NPIPA9: variants seen among roughly 807,000 people sequenced by gnomAD.
NPIPA9 encodes nuclear pore complex-interacting protein family member A9.
At chr16:18,364,960 C>T (rs1279295896) in intron 4 of NPIPA9, among the ~76,000 whole-genome samples, 11 of 1,624 alleles carry the variant, frequency 6.8e-3, no homozygotes. Flanking sequence ...CACACACACA[C>T]ACACACACAA....
chr16:18,371,451 T>TTAA (rs1900545974), intron 3 of NPIPA9, among the ~76,000 whole-genome samples: 2 of 56,636 alleles, frequency 3.5e-5, no homozygotes, highest in East Asian at 3.9e-4. Flanking sequence ...GACTCTGTCT[T>TTAA]AAAAAAAAAA....
In NPIPA9 at chr16:18,375,055, C is replaced by T; in HGVS notation, c.-293G>A. On this transcript the variant is annotated 5_prime_UTR_variant, in exon 2 of 10. Transcript: ENST00000427999. ...CCTGCTGCCCGGCAGGTGTGGGGCT[C>T]GGGCTCCCAGCCACCTGCAGGACAA... 9 of 676,554 alleles carry T rather than the reference C, an allele frequency of 1.3e-5. 2 individuals carry two copies. The highest frequency in any genetic ancestry group is 5.3e-5 in the South Asian group (3 of 56,932). The allele number at this position is 676,554 out of a possible 1,614,324, so 41.9% of individuals were successfully genotyped here.
At chr16:18,375,301 ATTT>A (rs537573724) in intron 1 of NPIPA9, among the ~76,000 whole-genome samples, 2 of 135,782 alleles carry the variant, frequency 1.5e-5, no homozygotes, top group African/African-American at 2.8e-5. Flanking sequence ...TTTAAATTTC[ATTT>A]TTTTTTTTTT....
chr16:18,371,451 T>TAAAAAA (rs778066038), intron 3 of NPIPA9, among the ~76,000 whole-genome samples: 22 of 56,622 alleles, frequency 3.9e-4, no homozygotes, highest in African/African-American at 1.5e-3. Context: ...GACTCTGTCT[T>TAAAAAA]AAAAAAAAAA....
intron 3 of NPIPA9, among the ~76,000 whole-genome samples, chr16:18,371,467 A>C (rs1596823262): frequency 7.1e-6 from 1 of 141,376 alleles, no homozygotes; most frequent in African/African-American, 2.6e-5. Flanking sequence ...AAAAAAAAAA[A>C]AAAAAAAAAA....
chr16:18,364,856 G>A (rs1474148953), intron 4 of NPIPA9, among the ~76,000 whole-genome samples: 8 of 93,090 alleles, frequency 8.6e-5, no homozygotes, highest in Middle Eastern at 5.6e-3. Flanking sequence ...GCAGAGAACC[G>A]TTTGAAGCTG....
intron 3 of NPIPA9, among the ~76,000 whole-genome samples, chr16:18,371,582 C>T (rs1288447431): frequency 4.1e-4 from 42 of 102,464 alleles, no homozygotes; most frequent in African/African-American, 1.5e-3. Context: ...CTCACTGCAA[C>T]GTCCAGCTCC....
At chr16:18,375,255 A>G (rs530264351) in intron 1 of NPIPA9, among the ~76,000 whole-genome samples, 186 bp from the exon 2 acceptor site, 640 of 129,706 alleles carry the variant, frequency 4.9e-3, no homozygotes, top group East Asian at 0.029. Flanking sequence ...GCCACTGAAC[A>G]CTTGACAGCA....
chr16:18,375,146 C>T lies in NPIPA9; in HGVS notation c.-307-77G>A, dbSNP rs1248323887. ...CAGGGATGAGAAGCCACCTCCTCAGCAGACAGGACAGAGCCCGGTGCCATC... is the reference window on the plus strand; with the variant it reads ...CAGGGATGAGAAGCCACCTCCTCAGTAGACAGGACAGAGCCCGGTGCCATC... On this transcript the variant is annotated intron_variant, in intron 1 of 9. Coordinates refer to ENST00000427999, the Ensembl canonical transcript of NPIPA9. 11 of 561,420 alleles carry T rather than the reference C, an allele frequency of 2.0e-5. 2 individuals are homozygous for T. The highest frequency in any genetic ancestry group is 2.9e-5 in the Admixed American group (1 of 34,210). 34.8% of individuals were successfully genotyped at this position (561,420 alleles called of 1,614,324 possible).
At chr16:18,375,236 G>A (rs1226346954) in intron 1 of NPIPA9, among the ~76,000 whole-genome samples, 167 bp from the exon 2 acceptor site, 16 of 140,196 alleles carry the variant, frequency 1.1e-4, no homozygotes, top group Admixed American at 2.9e-4. Context: ...GCAGCCCCTC[G>A]CGACATGTGC....
chr16:18,375,419 G>C (rs1900595192), intron 1 of NPIPA9, among the ~76,000 whole-genome samples: 2 of 140,584 alleles, frequency 1.4e-5, no homozygotes, highest in Admixed American at 1.4e-4. Context: ...TCCTGGCTCA[G>C]CCTCTTTAGT....
chr16:18,364,989 C>CATGAG (rs1172235691), intron 4 of NPIPA9, among the ~76,000 whole-genome samples: 1 of 137,074 alleles, frequency 7.3e-6, no homozygotes, highest in Non-Finnish European at 1.6e-5. Context: ...ACAAGAATGA[C>CATGAG]ATGAGGCTGG....
At chr16:18,363,669 TAAA>T (rs1224641324) in intron 6 of NPIPA9, among the ~76,000 whole-genome samples, 12 of 4,052 alleles carry the variant, frequency 3.0e-3, no homozygotes, top group Non-Finnish European at 4.3e-3. Context: ...ATCTCAAAAT[TAAA>T]AAAAAAAAAA....
intron 3 of NPIPA9, among the ~76,000 whole-genome samples, chr16:18,371,451 TAAA>T (rs778066038): frequency 1.3e-3 from 75 of 56,238 alleles, no homozygotes; most frequent in South Asian, 5.0e-3. Flanking sequence ...GACTCTGTCT[TAAA>T]AAAAAAAAAA....
chr16:18,367,480 AATG>A lies in NPIPA9; in HGVS notation c.192+775_192+777del, dbSNP rs1418174596. On this transcript the variant is annotated intron_variant, in intron 4 of 9. Coordinates refer to ENST00000427999, the Ensembl canonical transcript of NPIPA9. The stretch of plus-strand genomic sequence containing the variant: ...GTTGCAAGTGGGAACATGCACTTTG[AATG>A]ATGTCATTCAAAATTACCCTGCCCA... Among the ~76,000 whole-genome samples the A allele has an allele frequency of 3.3e-3, 213 of 65,424 alleles. 44 individuals are homozygous for A. Among genetic ancestry groups the A allele is most frequent in the Admixed American group, 8.9e-3 (47 of 5,306 alleles). 42.9% of individuals were successfully genotyped at this position (65,424 alleles called of 152,430 possible).
At chr16:18,370,439 C>G (rs867626721) in intron 3 of NPIPA9, among the ~76,000 whole-genome samples, 4 of 75,928 alleles carry the variant, frequency 5.3e-5, no homozygotes, top group African/African-American at 5.0e-5. Context: ...CAGACAGCTT[C>G]TGATAACATT....
chr16:18,371,502 G>C (rs62043982), intron 3 of NPIPA9, among the ~76,000 whole-genome samples: 27,983 of 87,924 alleles, frequency 0.32, 3,204 homozygotes, highest in East Asian at 0.42. Flanking sequence ...TGACACAAAT[G>C]AAATGACATT....
At chr16:18,375,273 G>C (rs1384192273) in intron 1 of NPIPA9, among the ~76,000 whole-genome samples, 1 of 146,284 alleles carries the variant, frequency 6.8e-6, no homozygotes, top group African/African-American at 2.5e-5. Context: ...GCAGACTGGT[G>C]CAGCTAAGGA....
At chr16:18,364,969 A>ACACACACAC (rs58690022) in intron 4 of NPIPA9, among the ~76,000 whole-genome samples, 3 of 119,590 alleles carry the variant, frequency 2.5e-5, no homozygotes, top group South Asian at 2.5e-4. Flanking sequence ...ACACACACAC[A>ACACACACAC]ACACAACACA....
Sources: gnomAD v4.1 joint callset for allele counts (sites outside exome capture counted in the v4.1 genomes callset) on GRCh38, gnomAD v4.1.1 for gene constraint, MANE v1.5 for transcripts, NCBI Gene and HGNC (gene_info 2026-07-23, HGNC 2026-07-21) for gene names.